RSRC1: variants seen among roughly 807,000 people sequenced by gnomAD.
The protein encoded by RSRC1 is serine/Arginine-related protein 53.
A neutral mutation model predicts 49.1 loss-of-function variants in RSRC1; 39 were observed. That is an observed-to-expected ratio of 0.79 (90% CI 0.61 to 1.04). The LOEUF (loss-of-function observed/expected upper bound fraction) is 1.04. RSRC1 is among the 50% of genes least tolerant of loss of function. The probability of loss-of-function intolerance (pLI) is 0.00; values close to 1 mark genes in which losing one functional copy is unlikely to be tolerated. For missense variants in RSRC1, 388 were observed against 402.4 expected (o/e 0.96, Z 0.31); for synonymous variants, 143 against 130.8 (o/e 1.09, Z -0.63).
intron 4 of RSRC1, among the ~76,000 whole-genome samples, chr3:158,242,817 C>CT (rs766214933): frequency 2.6e-5 from 4 of 152,050 alleles, no homozygotes; most frequent in Non-Finnish European, 5.9e-5. Flanking sequence ...TGATGTTGAG[C>CT]TTTTTTTCAT....
At chr3:158,420,269 G>A (rs185191857) in intron 6 of RSRC1, among the ~76,000 whole-genome samples, 18 of 152,086 alleles carry the variant, frequency 1.2e-4, no homozygotes, top group African/African-American at 4.3e-4. Context: ...AGAGGGTTAA[G>A]TGTGGCACTC....
chr3:158,429,835 C>T (rs1038614445), intron 6 of RSRC1, among the ~76,000 whole-genome samples: 1 of 151,112 alleles, frequency 6.6e-6, no homozygotes, highest in African/African-American at 2.4e-5. Flanking sequence ...TAGTCAAATT[C>T]GTAGAATCGA....
intron 1 of RSRC1, among the ~76,000 whole-genome samples, chr3:158,113,280 A>G (rs1158087415): frequency 2.6e-5 from 4 of 152,088 alleles, no homozygotes; most frequent in Admixed American, 6.5e-5. Context: ...ATCTTCCACA[A>G]TGGTTGAACT....
chr3:158,310,494 A>G (rs1728067568), intron 5 of RSRC1, among the ~76,000 whole-genome samples: 1 of 151,810 alleles, frequency 6.6e-6, no homozygotes, highest in Non-Finnish European at 1.5e-5. Flanking sequence ...TTTCGCAGGA[A>G]CGAATACAAA....
At chr3:158,163,887 G>A (rs1228792861) in intron 3 of RSRC1, among the ~76,000 whole-genome samples, 15 of 151,884 alleles carry the variant, frequency 9.9e-5, no homozygotes, top group Admixed American at 3.9e-4. Flanking sequence ...TAAATAGAAC[G>A]TAGAAGAATA....
intron 6 of RSRC1, among the ~76,000 whole-genome samples, chr3:158,448,916 G>A (rs1736875481): frequency 6.6e-6 from 1 of 151,738 alleles, no homozygotes; most frequent in Admixed American, 6.6e-5. Context: ...TTTACAAAAG[G>A]GGATTTGATG....
At chr3:158,174,375 C>T (rs991486950) in intron 3 of RSRC1, among the ~76,000 whole-genome samples, 2 of 151,650 alleles carry the variant, frequency 1.3e-5, no homozygotes, top group Admixed American at 6.6e-5. Context: ...TTCAAGTAAC[C>T]AATAATGGAT....
intron 1 of RSRC1, chr3:158,110,603 A>C (rs944740327): frequency 3.3e-5 from 5 of 152,334 alleles, no homozygotes; most frequent in African/African-American, 4.8e-5. Context: ...CACTAGCTCT[A>C]GGTAGGGTGG....
chr3:158,431,576 A>G (rs1735774002), intron 6 of RSRC1, among the ~76,000 whole-genome samples: 1 of 151,940 alleles, frequency 6.6e-6, no homozygotes, highest in Non-Finnish European at 1.5e-5. Context: ...AAAATTTCAA[A>G]TAGAATATTT....
At chr3:158,189,482 G>A (rs951554219) in intron 3 of RSRC1, among the ~76,000 whole-genome samples, 5 of 151,896 alleles carry the variant, frequency 3.3e-5, no homozygotes, top group African/African-American at 4.8e-5. Context: ...TAATACACAC[G>A]TTTGGGATTA....
At chr3:158,190,475 C>G (rs1720173661) in intron 3 of RSRC1, among the ~76,000 whole-genome samples, 1 of 151,200 alleles carries the variant, frequency 6.6e-6, no homozygotes, top group South Asian at 2.1e-4. Context: ...ATATGAGCAC[C>G]TTATAATTTA....
intron 6 of RSRC1, among the ~76,000 whole-genome samples, chr3:158,451,258 TAAC>T: frequency 6.6e-6 from 1 of 152,098 alleles, no homozygotes; most frequent in African/African-American, 2.4e-5. Context: ...ACATTAAAAA[TAAC>T]AAAAAGTACT....
chr3:158,417,482 G>A (rs995339107), intron 6 of RSRC1, among the ~76,000 whole-genome samples: 2 of 151,896 alleles, frequency 1.3e-5, no homozygotes, highest in African/African-American at 4.8e-5. Context: ...CTCTAAGGAG[G>A]CAATATAGTA....
rs1186653470 is a variant in RSRC1 at position 158,397,209 on chromosome 3, G to A, written c.583+42301G>A. ...GGCAAAGTTGCACTAGAACACTGTT[G>A]TCCTTTGTTTACAATTGGTTGTTTA... is the stretch of plus-strand genomic sequence containing the variant. On this transcript the variant is annotated intron_variant, in intron 6 of 9. Coordinates refer to ENST00000611884, the MANE Select transcript of RSRC1 (RefSeq NM_001271838.2). 2.0e-5 allele frequency among the ~76,000 whole-genome samples: 3 copies of A among 152,108 alleles called. No homozygotes were observed. In the East Asian group the frequency reaches 5.8e-4, roughly 29 times the overall value.
chr3:158,401,100 A>T (rs1733874751), intron 6 of RSRC1, among the ~76,000 whole-genome samples: 1 of 152,076 alleles, frequency 6.6e-6, no homozygotes, highest in African/African-American at 2.4e-5. Flanking sequence ...ACAGTAGGCT[A>T]TACTGTATAG....
At chr3:158,242,401 T>C (rs1723646466) in intron 4 of RSRC1, among the ~76,000 whole-genome samples, 1 of 151,786 alleles carries the variant, frequency 6.6e-6, no homozygotes, top group Admixed American at 6.6e-5. Flanking sequence ...TTTATGGCTC[T>C]GTAGTATTCC....
chr3:158,259,445 G>A (rs906531474), intron 4 of RSRC1, among the ~76,000 whole-genome samples: 1 of 152,096 alleles, frequency 6.6e-6, no homozygotes, highest in Non-Finnish European at 1.5e-5. Flanking sequence ...GTCTCACTCT[G>A]TGCTGAACTG....
At chr3:158,266,048 A>G (rs1040162766) in intron 4 of RSRC1, among the ~76,000 whole-genome samples, 3 of 152,094 alleles carry the variant, frequency 2.0e-5, no homozygotes, top group African/African-American at 7.2e-5. Flanking sequence ...TGTTTTATTT[A>G]TCTATATATC....
intron 3 of RSRC1, among the ~76,000 whole-genome samples, chr3:158,137,880 C>A (rs758305691): frequency 1.3e-5 from 2 of 152,092 alleles, no homozygotes; most frequent in Non-Finnish European, 2.9e-5. Context: ...TCTCGAATTC[C>A]TGACCTCCTG....
Sources: gnomAD v4.1 joint callset for allele counts (sites outside exome capture counted in the v4.1 genomes callset) on GRCh38, gnomAD v4.1.1 for gene constraint, MANE v1.5 for transcripts, NCBI Gene and HGNC (gene_info 2026-07-23, HGNC 2026-07-21) for gene names.